Variants in CDH18 observed in about 807,000 individuals in gnomAD.
CDH18 encodes the protein cadherin 18.
CDH18 carries 31 observed loss-of-function variants against 67.9 expected under a neutral mutation model. The observed-to-expected ratio is 0.46, with a 90% confidence interval of 0.34 to 0.62. CDH18 has a LOEUF of 0.62. CDH18 is among the 20% of genes least tolerant of loss of function. The pLI is 0.01. For synonymous variants in CDH18, 362 were observed against 347.2 expected, an observed-to-expected ratio of 1.04 and a Z score of -0.48; for missense variants, 890 against 975.5, an observed-to-expected ratio of 0.91 and a Z score of 1.17.
rs137900240 is a variant in CDH18 at position 19,686,177 on chromosome 5, A to T, written c.643+35170T>A. ...AATTCTTAAAAACCAGCACGCAATA[A>T]AACATTTCAAAGTAAAAATCATAGG... On this transcript the variant is annotated intron_variant, in intron 5 of 12. Transcript: ENST00000382275. 5.0e-3 allele frequency among the ~76,000 whole-genome samples: 762 copies of T among 152,274 alleles called. 3 individuals are homozygous for T. The highest frequency in any genetic ancestry group is 0.018 in the African/African-American group (734 of 41,564).
rs535655105 is a variant in CDH18 at position 19,672,171 on chromosome 5, T to C, written c.643+49176A>G. ...GCATCCTGATACAGAACAAACAATATTTAGGCTGATTTCTTTGTGAGAATA... is the reference window on the plus strand; with the variant it reads ...GCATCCTGATACAGAACAAACAATACTTAGGCTGATTTCTTTGTGAGAATA... On this transcript the variant is annotated intron_variant, in intron 5 of 12. Coordinates refer to ENST00000382275, the MANE Select transcript of CDH18 (RefSeq NM_004934.5). Among the ~76,000 whole-genome samples the C allele has an allele frequency of 4.9e-4, 74 of 152,200 alleles. 1 individual carries two copies. The highest frequency in any genetic ancestry group is 1.6e-3 in the Admixed American group (25 of 15,262).
chr5:20,424,636 C>A (rs2150164651), intron 1 of CDH18, among the ~76,000 whole-genome samples: 1 of 146,362 alleles, frequency 6.8e-6, no homozygotes, highest in South Asian at 2.1e-4. Context: ...GTAATCCCAG[C>A]TATCCAGGAG....
intron 1 of CDH18, among the ~76,000 whole-genome samples, chr5:20,476,156 C>T (rs73767542): frequency 0.055 from 8,372 of 152,140 alleles, 767 homozygotes; most frequent in African/African-American, 0.19. Context: ...AGGATGTTAT[C>T]CATAACAGAC....
intron 1 of CDH18, among the ~76,000 whole-genome samples, chr5:20,397,258 G>A (rs1024836406): frequency 6.6e-6 from 1 of 151,982 alleles, no homozygotes; most frequent in Non-Finnish European, 1.5e-5. Context: ...AGCCTCCCGA[G>A]TAGCTGGGAT....
At chr5:20,334,360 A>G (rs1412754639) in intron 1 of CDH18, among the ~76,000 whole-genome samples, 4 of 151,058 alleles carry the variant, frequency 2.6e-5, no homozygotes, top group Non-Finnish European at 4.4e-5. Context: ...GATGGTCTCG[A>G]TCTCCTGACC....
At chr5:19,885,060 C>A (rs1579425204) in intron 2 of CDH18, among the ~76,000 whole-genome samples, 1 of 152,244 alleles carries the variant, frequency 6.6e-6, no homozygotes, top group South Asian at 2.1e-4. Flanking sequence ...ATTTATCCCA[C>A]CTCCTGCTTC....
At chr5:19,702,405 T>A (rs1763386712) in intron 5 of CDH18, among the ~76,000 whole-genome samples, 1 of 151,262 alleles carries the variant, frequency 6.6e-6, no homozygotes, top group African/African-American at 2.4e-5. Flanking sequence ...CACCTTGGCC[T>A]CCCAAAGTGC....
chr5:19,850,017 A>G (rs1175976827), intron 2 of CDH18, among the ~76,000 whole-genome samples: 1 of 151,820 alleles, frequency 6.6e-6, no homozygotes, highest in Non-Finnish European at 1.5e-5. Flanking sequence ...GATTTGAATC[A>G]TGATGCTTTT....
chr5:20,157,757 C>T (rs1054851150), intron 2 of CDH18, among the ~76,000 whole-genome samples: 14 of 151,860 alleles, frequency 9.2e-5, no homozygotes, highest in African/African-American at 3.4e-4. Flanking sequence ...ATTCTCCTGC[C>T]CCAGCCTCCT....
intron 2 of CDH18, among the ~76,000 whole-genome samples, chr5:20,237,612 A>G (rs1000614603): frequency 6.6e-6 from 1 of 151,924 alleles, no homozygotes; most frequent in African/African-American, 2.4e-5. Context: ...AAAATATATA[A>G]AATATCTGTA....
chr5:20,296,230 GTTTT>G (rs1014845529), intron 1 of CDH18, among the ~76,000 whole-genome samples: 2 of 145,432 alleles, frequency 1.4e-5, no homozygotes, highest in African/African-American at 5.0e-5. Context: ...TTCCACTAAG[GTTTT>G]TTTTTGTTTG....
At chr5:20,123,962 G>T (rs1390334492) in intron 2 of CDH18, among the ~76,000 whole-genome samples, 1 of 151,182 alleles carries the variant, frequency 6.6e-6, no homozygotes. Flanking sequence ...TCATGTATTT[G>T]TGATAACTAT....
intron 2 of CDH18, among the ~76,000 whole-genome samples, chr5:20,030,016 G>A (rs951579625): frequency 3.3e-5 from 5 of 152,156 alleles, no homozygotes; most frequent in African/African-American, 1.2e-4. Flanking sequence ...GCTGTTGGCT[G>A]GGGGCCACCC....
intron 2 of CDH18, among the ~76,000 whole-genome samples, chr5:20,230,111 A>G (rs1379554336): frequency 6.6e-6 from 1 of 152,096 alleles, no homozygotes; most frequent in Non-Finnish European, 1.5e-5. Flanking sequence ...ATAGTCCTTT[A>G]TGGTCTAGGT....
intron 1 of CDH18, among the ~76,000 whole-genome samples, chr5:20,481,818 G>A (rs1752829364): frequency 6.6e-6 from 1 of 151,028 alleles, no homozygotes; most frequent in East Asian, 1.9e-4. Context: ...TAAGAGGAAG[G>A]TATACAACAA....
At chr5:19,982,810 C>T (rs1436880714) in intron 1 of CDH18, among the ~76,000 whole-genome samples, 2 of 151,954 alleles carry the variant, frequency 1.3e-5, no homozygotes, top group Admixed American at 6.6e-5. Flanking sequence ...TTTGGGAGGC[C>T]AAGGCGTGTG....
At chr5:19,688,988 A>AT (rs1357870530) in intron 5 of CDH18, among the ~76,000 whole-genome samples, 9 of 152,130 alleles carry the variant, frequency 5.9e-5, no homozygotes, top group Admixed American at 4.6e-4. Flanking sequence ...ACCCAGTCAG[A>AT]TAAAAAGTTT....
At chr5:19,757,252 G>A (rs755688354) in intron 3 of CDH18, among the ~76,000 whole-genome samples, 1 of 152,346 alleles carries the variant, frequency 6.6e-6, no homozygotes, top group South Asian at 2.1e-4. Context: ...CCCATATGCA[G>A]AGTAAGTGTC....
intron 1 of CDH18, among the ~76,000 whole-genome samples, chr5:20,455,697 T>C (rs1261795990): frequency 6.6e-6 from 1 of 152,074 alleles, no homozygotes; most frequent in Non-Finnish European, 1.5e-5. Context: ...TTTATACAAA[T>C]ATAACTTTTT....
Sources: gnomAD v4.1 joint callset for allele counts (sites outside exome capture counted in the v4.1 genomes callset) on GRCh38, gnomAD v4.1.1 for gene constraint, MANE v1.5 for transcripts, NCBI Gene and HGNC (gene_info 2026-07-23, HGNC 2026-07-21) for gene names.